USHBP1: variants seen among roughly 807,000 people sequenced by gnomAD.
USHBP1 encodes harmonin-binding protein USHBP1.
USHBP1 carries 67 observed loss-of-function variants against 76.2 expected under a neutral mutation model. The ratio of observed to expected loss-of-function variants is 0.88; its 90% CI spans 0.72 to 1.08. USHBP1 has a LOEUF of 1.08. USHBP1 is among the 50% of genes least tolerant of loss of function. The pLI, the probability that USHBP1 is intolerant of heterozygous loss-of-function variation, is 0.00. For synonymous variants in USHBP1, 322 were observed against 362.2 expected (o/e 0.89, Z 1.26); for missense variants, 931 against 915.0 (o/e 1.02, Z -0.23).
Position 17,255,554 on chromosome 19 carries a change from C to CGCTTCTCA in USHBP1, c.1515_1522dup (p.Arg508LeufsTer6), listed in dbSNP as rs1555713335. 2.5e-6 allele frequency: 4 copies of CGCTTCTCA among 1,613,496 alleles called. No homozygotes were observed. The highest frequency in any genetic ancestry group is 3.4e-6 in the Non-Finnish European group (4 of 1,179,678). ...GGCAGCCTCCCGCAGCTCTAGGCCC[C>CGCTTCTCA]GCTTCTCACGCCGCACCAGCTGCAG... On this transcript the variant is annotated frameshift_variant, in exon 10 of 13. Coordinates refer to ENST00000252597, the MANE Select transcript of USHBP1 (RefSeq NM_031941.4). LOFTEE classifies it high-confidence loss of function.
chr19:17,264,118 C>T lies in USHBP1; in HGVS notation c.87G>A (p.Glu29=). The change falls in exon 3 of 13, where the codon GAG becomes GAA. Residue 29 remains glutamate, a synonymous_variant. Transcript: ENST00000252597. ...GELDPVAESS[E]EVEAASGSSK... ...AGCTCCCACTGGCTGCCTCGACCTC[C>T]TCTGAACTCTCAGCCACGGGATCCA... 1.2e-6 allele frequency: 2 copies of T among 1,614,120 alleles called. No homozygotes were observed. The highest frequency in any genetic ancestry group is 1.7e-6 in the Non-Finnish European group (2 of 1,179,980).
At chr19:17,254,984 A>G (rs1373465457) in intron 10 of USHBP1, among the ~76,000 whole-genome samples, 1 of 152,022 alleles carries the variant, frequency 6.6e-6, no homozygotes, top group Non-Finnish European at 1.5e-5. Flanking sequence ...TGATTTAAAG[A>G]GCTGCATTAA....
rs774575490 is a variant in USHBP1 at position 17,258,337 on chromosome 19, G to T, written c.1095C>A (p.Ala365=). Residue 365 remains alanine, a synonymous_variant, in exon 8 of 13, where the codon GCC becomes GCA. Transcript: ENST00000252597. ...GGGCTTCGTCTCCTGCTCCTGAGTC[G>T]GCCTCCCGCAGAGCAAGCAGAACCC... is the stretch of plus-strand genomic sequence containing the variant. ...AYRVLLALRE[A]DSGAGDEAPM... The T allele has an allele frequency of 2.5e-6, 4 of 1,613,942 alleles. No individual in the cohort carries two copies. The South Asian group carries it at 4.4e-5, about 18-fold the overall frequency.
At chr19:17,259,804 C>T (rs2073666459) in intron 5 of USHBP1, 72 bp from the exon 6 acceptor site, 2 of 1,582,386 alleles carry the variant, frequency 1.3e-6, no homozygotes, top group East Asian at 4.5e-5. Flanking sequence ...TTTTGCAACC[C>T]CAAAGCTGTT....
intron 9 of USHBP1, among the ~76,000 whole-genome samples, chr19:17,256,230 T>A (rs534229017): frequency 7.9e-5 from 12 of 152,258 alleles, no homozygotes; most frequent in Admixed American, 7.9e-4. Flanking sequence ...GATTGTGTTC[T>A]TTGCTCCCAT....
At position 17,249,277 on chromosome 19, in the gene USHBP1, C is replaced by G. The variant is rs1472936130; in HGVS notation, c.*948G>C. 1 of 152,154 alleles carries G rather than the reference C, an allele frequency of 6.6e-6. No individual in the cohort carries two copies. The highest frequency in any genetic ancestry group is 1.5e-5 in the Non-Finnish European group (1 of 68,046). 9.4% of individuals were successfully genotyped at this position (152,154 alleles called of 1,614,324 possible). A position where few individuals can be genotyped will look rare whatever the true frequency, so the allele number is the denominator to read the frequency against. ...CGCGATCTCGGTTCACTGCAACCCCCGCCTCTCAGGTTCAAGCAATTATCC... is the reference window on the plus strand; with the variant it reads ...CGCGATCTCGGTTCACTGCAACCCCGGCCTCTCAGGTTCAAGCAATTATCC... On this transcript the variant is annotated 3_prime_UTR_variant, in exon 13 of 13. Transcript: ENST00000252597.
chr19:17,263,994 G>A lies in USHBP1; in HGVS notation c.203+8C>T, dbSNP rs530432320. The A allele has an allele frequency of 6.4e-7, 1 of 1,571,868 alleles. No homozygotes were observed. Among genetic ancestry groups the A allele is most frequent in the East Asian group, 2.3e-5 (1 of 44,224 alleles). ...TGGAGTGAAGGGCACAGACCAAGCG[G>A]GTCTTACCTGCTTCCTAGGCCTTGG... On this transcript the variant is annotated splice_region_variant and intron_variant, in intron 3 of 12. Coordinates refer to ENST00000252597, the MANE Select transcript of USHBP1 (RefSeq NM_031941.4).
rs143580327 is a variant in USHBP1, at chr19:17,250,414, G to A, written c.1923C>T (p.Ser641=). The A allele has an allele frequency of 5.4e-4, 873 of 1,610,950 alleles. 1 individual carries two copies. Among genetic ancestry groups the A allele is most frequent in the Non-Finnish European group, 7.0e-4 (831 of 1,179,522 alleles). ...CTCCTCGGAAGGCCAGGACCAGGGC[G>A]CTGGAAGGGGTGGGTGGCTGGGTCA... ...ELNRDLCKAH[S]ALVLAFRGAH... is the part of the protein sequence containing the mutation. Residue 641 remains serine, a splice_region_variant and synonymous_variant, in exon 13 of 13, where the codon AGC becomes AGT. Coordinates refer to ENST00000252597, the MANE Select transcript of USHBP1 (RefSeq NM_031941.4).
chr19:17,263,870 A>C (rs982777681), intron 3 of USHBP1, 132 bp downstream of exon 3: 5 of 1,298,498 alleles, frequency 3.9e-6, no homozygotes, highest in Non-Finnish European at 4.1e-6. Flanking sequence ...GACTCAAAAA[A>C]AAAAGAAAGT....
At position 17,258,312 on chromosome 19, in the gene USHBP1, G is replaced by C; in HGVS notation, c.1120C>G (p.Pro374Ala). The change falls in exon 8 of 13, where the codon CCC becomes GCC. Residue 374 changes from proline to alanine, a missense_variant. Coordinates refer to ENST00000252597, the MANE Select transcript of USHBP1 (RefSeq NM_031941.4). ...TCAGCTGCTTGCAGGTCACTCATGG[G>C]GGCTTCGTCTCCTGCTCCTGAGTCG... ...EADSGAGDEA[P>A]MSDLQAAEKE... The C allele has an allele frequency of 6.2e-7, 1 of 1,614,038 alleles. No individual in the cohort carries two copies. Among genetic ancestry groups the C allele is most frequent in the Non-Finnish European group, 8.5e-7 (1 of 1,180,026 alleles).
In USHBP1 at chr19:17,259,650, T is replaced by C; in HGVS notation, c.851A>G (p.Gln284Arg). ...STQILGSLPN[Q>R]PLSPEMHIME... ...GATGTGCATCTCAGGACTGAGGGGC[T>C]GGTTGGGAAGAGACCCAAGGATCTG... Residue 284 changes from glutamine (Q) to arginine (R), a missense_variant, in exon 6 of 13, where the codon CAG (glutamine) becomes CGG (arginine). By Grantham distance (43) the Gln-to-Arg change is conservative. Coordinates refer to ENST00000252597, the MANE Select transcript of USHBP1 (RefSeq NM_031941.4). 6.2e-7 allele frequency: 1 copy of C among 1,613,964 alleles called. No homozygotes were observed. Among genetic ancestry groups the C allele is most frequent in the Non-Finnish European group, 8.5e-7 (1 of 1,179,968 alleles).
At position 17,259,896 on chromosome 19, in the gene USHBP1, C is replaced by G; in HGVS notation, c.768+1G>C. On this transcript the variant is annotated splice_donor_variant, in intron 5 of 12. Transcript: ENST00000252597. LOFTEE classifies it high-confidence loss of function. The stretch of plus-strand genomic sequence containing the variant: ...CATGGGATTGAACTTCTCGCACTCA[C>G]CTGAGTCTCCCAGGGTTCCCTGTCT... 6.2e-7 allele frequency: 1 copy of G among 1,613,396 alleles called. No homozygotes were observed.
At chr19:17,250,627 T>C (rs1029315024) in intron 12 of USHBP1, among the ~76,000 whole-genome samples, 5 of 152,120 alleles carry the variant, frequency 3.3e-5, no homozygotes, top group African/African-American at 1.2e-4. Flanking sequence ...CTCCCCTCAC[T>C]ACAACCTCTG....
At chr19:17,256,764 T>C in intron 8 of USHBP1, 44 bp from the exon 9 acceptor site, 1 of 1,612,274 alleles carries the variant, frequency 6.2e-7, no homozygotes, top group East Asian at 2.2e-5. Flanking sequence ...CTGGCAGGCA[T>C]AGGTGGGTTA....
rs1396224228 is a variant in USHBP1 at position 17,249,585 on chromosome 19, C to T, written c.*640G>A. 1 of 152,652 alleles carries T rather than the reference C, an allele frequency of 6.6e-6. No individual in the cohort carries two copies. The highest frequency in any genetic ancestry group is 1.5e-5 in the Non-Finnish European group (1 of 68,534). The allele number at this position is 152,652 out of a possible 1,614,324, so 9.5% of individuals were successfully genotyped here. A position where few individuals can be genotyped will look rare whatever the true frequency, so the allele number is the denominator to read the frequency against. ...CTCACTGCAACCTCCACTTCCCAAG[C>T]TCAAGTTACCCTCCCACTTTAGCCT... On this transcript the variant is annotated 3_prime_UTR_variant, in exon 13 of 13. Coordinates refer to ENST00000252597, the MANE Select transcript of USHBP1 (RefSeq NM_031941.4).
Position 17,260,007 on chromosome 19 carries a change from C to A in USHBP1, c.658G>T (p.Asp220Tyr). ...CAGGGCTCCAGCCTCAAGAGGGAATCCTGCAGCTCTTGAACCTGGGAAAGA... is the reference window on the plus strand; with the variant it reads ...CAGGGCTCCAGCCTCAAGAGGGAATACTGCAGCTCTTGAACCTGGGAAAGA... The part of the protein sequence containing the change: ...TLQKEVQELQ[D>Y]SLLRLEPCPH... Residue 220 changes from aspartate to tyrosine, a missense_variant, in exon 5 of 13, where the codon GAT (aspartate) becomes TAT (tyrosine). Asp to Tyr is a radical substitution (Grantham distance 160). Transcript: ENST00000252597. 2 of 1,613,340 alleles carry A rather than the reference C, an allele frequency of 1.2e-6. No individual in the cohort carries two copies. The highest frequency in any genetic ancestry group is 1.7e-6 in the Non-Finnish European group (2 of 1,179,518).
At chr19:17,250,515 G>A (rs2073537498) in intron 12 of USHBP1, 101 bp from the exon 13 acceptor site, 1 of 1,305,722 alleles carries the variant, frequency 7.7e-7, no homozygotes, top group Admixed American at 2.4e-5. Flanking sequence ...TTCACATTGG[G>A]TCTCCAAGGG....
intron 4 of USHBP1, among the ~76,000 whole-genome samples, chr19:17,261,831 C>T (rs1599478398): frequency 6.6e-6 from 1 of 151,046 alleles, no homozygotes; most frequent in South Asian, 2.1e-4. Flanking sequence ...ATTGCAGGCA[C>T]GTGCCACCAC....
Position 17,251,646 on chromosome 19 carries a change from G to T in USHBP1, c.1858C>A (p.Gln620Lys). The change falls in exon 12 of 13, where the codon CAG becomes AAG. Residue 620 changes from glutamine to lysine, a missense_variant. Physicochemically the swap from Gln to Lys is moderately conservative, Grantham distance 53. Transcript: ENST00000252597. ...TGAGACCGTCTGGCTCGCCCCTTCT[G>T]AGCCACCTGTTCCAGCTCCCTGCGC... ...SLRRELEQVA[Q>K]KGRARRSQSA... 1 of 1,613,946 alleles carries T rather than the reference G, an allele frequency of 6.2e-7. No individual in the cohort carries two copies. Among genetic ancestry groups the T allele is most frequent in the Non-Finnish European group, 8.5e-7 (1 of 1,179,998 alleles).
Sources: allele counts gnomAD v4.1 joint callset (sites outside exome capture counted in the v4.1 genomes callset), GRCh38; gene constraint gnomAD v4.1.1; transcripts MANE v1.5; gene names NCBI Gene and HGNC (gene_info 2026-07-23, HGNC 2026-07-21).